The following DNMT1 variants were observed in gnomAD, a reference collection of about 807,000 sequenced individuals.
DNMT1 encodes DNA (cytosine-5)-methyltransferase 1.
DNMT1 carries 24 observed loss-of-function variants against 205.3 expected under a neutral mutation model. The observed-to-expected ratio is 0.12, with a 90% confidence interval of 0.08 to 0.16. DNMT1 has a LOEUF of 0.16. DNMT1 is among the 10% of genes least tolerant of loss of function. The probability of loss-of-function intolerance (pLI) is 1.00; values close to 1 mark genes in which losing one functional copy is unlikely to be tolerated. For synonymous variants in DNMT1, 817 were observed against 839.8 expected (o/e 0.97, Z 0.47); for missense variants, 1,293 against 2,177.7 (o/e 0.59, Z 8.09).
intron 1 of DNMT1, among the ~76,000 whole-genome samples, chr19:10,183,125 A>ACGTGTGTATATATATATAT (rs2039112643): frequency 8.5e-6 from 1 of 117,482 alleles, no homozygotes; most frequent in African/African-American, 3.4e-5. Flanking sequence ...ATATATATAT[A>ACGTGTGTATATATATATAT]TTTTTTTTTT....
intron 10 of DNMT1, among the ~76,000 whole-genome samples, chr19:10,168,067 G>C (rs750792759): frequency 6.6e-6 from 1 of 152,016 alleles, no homozygotes; most frequent in South Asian, 2.1e-4. Context: ...GGGTTGCAGT[G>C]AGCCAGGATT....
Position 10,159,224 on chromosome 19 carries a change from G to A in DNMT1, c.1280+434C>T, listed in dbSNP as rs1331610687. 6.6e-6 allele frequency among the ~76,000 whole-genome samples: 1 copy of A among 152,142 alleles called. No homozygotes were observed. Among genetic ancestry groups the A allele is most frequent in the South Asian group, 2.1e-4 (1 of 4,824 alleles). On this transcript the variant is annotated intron_variant, in intron 17 of 40. Coordinates refer to ENST00000359526, the MANE Select transcript of DNMT1 (RefSeq NM_001130823.3). The surrounding 1 kb of genome is among the most constrained non-coding windows in gnomAD (Gnocchi z 5.0). ...TATTGTCCCTTCATCAGCTTTCCAC[G>A]TGGCTCTTTGAGACGGAGTCTTGCT... is the stretch of plus-strand genomic sequence containing the variant.
At chr19:10,144,348 C>T (rs1292754527) in intron 28 of DNMT1, 3 of 341,606 alleles carry the variant, frequency 8.8e-6, no homozygotes, top group South Asian at 4.7e-5. Context: ...GCAGAGGTTG[C>T]AGTGAGCTGA....
At chr19:10,169,682 C>T (rs2038773155) in intron 9 of DNMT1, among the ~76,000 whole-genome samples, 1 of 152,120 alleles carries the variant, frequency 6.6e-6, no homozygotes. Context: ...AGGAGAATGG[C>T]GTGAACCTGG....
rs772090333 is a variant in DNMT1, at chr19:10,140,090, G to A, written c.3762C>T (p.Arg1254=). 21 of 1,613,398 alleles carry A rather than the reference G, an allele frequency of 1.3e-5. No individual in the cohort carries two copies. The highest frequency in any genetic ancestry group is 1.7e-5 in the Non-Finnish European group (20 of 1,180,046). ...GAGAGTTTTTGAACTTGGAGTAGGT[G>A]CGCGAATTGAAGCGGTTCATGCCGC... The part of the protein sequence containing the change: ...GFSGMNRFNS[R]TYSKFKNSLV... The change falls in exon 33 of 41, where the codon CGC becomes CGT. Residue 1254 remains arginine, a synonymous_variant. Transcript: ENST00000359526. The surrounding 1 kb of genome is among the most constrained non-coding windows in gnomAD (Gnocchi z 8.4).
Position 10,156,396 on chromosome 19 carries a change from A to C in DNMT1, c.1394T>G (p.Leu465Arg). 4 of 1,608,830 alleles carry C rather than the reference A, an allele frequency of 2.5e-6. No individual in the cohort carries two copies. Among genetic ancestry groups the C allele is most frequent in the Non-Finnish European group, 3.4e-6 (4 of 1,176,028 alleles). The change falls in exon 18 of 41, where the codon CTT becomes CGT. Residue 465 changes from leucine to arginine, a missense_variant. By Grantham distance (102) the Leu-to-Arg change is moderately radical. Coordinates refer to ENST00000359526, the MANE Select transcript of DNMT1 (RefSeq NM_001130823.3). The surrounding 1 kb of genome is among the most constrained non-coding windows in gnomAD (Gnocchi z 4.2). ...AATCCCGGACTATTCCTTACCTTCA[A>C]GAGATGGGTCATCATCATAGATTGG... Reference protein sequence around the residue: ...AKPIYDDDPSLEGGVNGKNLG... With the variant: ...AKPIYDDDPSREGGVNGKNLG...
Position 10,137,483 on chromosome 19 carries a change from A to T in DNMT1, c.4294-203T>A, listed in dbSNP as rs1008205469. The T allele has an allele frequency of 8.8e-6, 6 of 679,884 alleles. No individual in the cohort carries two copies. In the Admixed American group the frequency reaches 1.6e-4, roughly 18 times the overall value. The allele number at this position is 679,884 out of a possible 1,614,324, so 42.1% of individuals were successfully genotyped here. ...CAGCGCAGGTGTAGGAGAGCGTGGG[A>T]ATCTAAGCTGAGCCTTTAGGGTGGG... On this transcript the variant is annotated intron_variant, in intron 36 of 40. Coordinates refer to ENST00000359526, the MANE Select transcript of DNMT1 (RefSeq NM_001130823.3). This position sits in a 1 kb window ranked among gnomAD's most constrained non-coding sequence, Gnocchi z 6.4.
At chr19:10,180,137 G>A in intron 5 of DNMT1, 50 bp downstream of exon 5, 1 of 619,600 alleles carries the variant, frequency 1.6e-6, no homozygotes, top group African/African-American at 1.8e-5. Context: ...AACATGGTAA[G>A]ACCCCATCTC....
At chr19:10,150,166 G>T (rs757986288) in intron 24 of DNMT1, among the ~76,000 whole-genome samples, 198 bp from the exon 25 acceptor site, 1 of 152,124 alleles carries the variant, frequency 6.6e-6, no homozygotes. Flanking sequence ...ACCTTCCTTG[G>T]CCAGATGCTG....
chr19:10,139,528 C>A (rs553136977), intron 34 of DNMT1, 148 bp downstream of exon 34: 4 of 1,370,306 alleles, frequency 2.9e-6, no homozygotes. Flanking sequence ...CCCCTGACTC[C>A]GCCAGTGGGA....
At position 10,168,377 on chromosome 19, in the gene DNMT1, G is replaced by GA. The variant is rs1346169706; in HGVS notation, c.769-14dup. 3.7e-6 allele frequency: 6 copies of GA among 1,613,782 alleles called. No individual in the cohort carries two copies. In the African/African-American group the frequency reaches 6.7e-5, roughly 18 times the overall value. On this transcript the variant is annotated splice_polypyrimidine_tract_variant and intron_variant, in intron 9 of 40. Coordinates refer to ENST00000359526, the MANE Select transcript of DNMT1 (RefSeq NM_001130823.3). Reference sequence around the variant, plus strand: ...GTCTCTTTTCTTCCTAAGTTGCAGGGAAAAAAGACAAGTTAATTTTTTCCA... The same window carrying GA: ...GTCTCTTTTCTTCCTAAGTTGCAGGGAAAAAAAGACAAGTTAATTTTTTCCA...
At chr19:10,163,108 C>T in intron 12 of DNMT1, 2 of 597,786 alleles carry the variant, frequency 3.3e-6, no homozygotes, top group African/African-American at 1.9e-5. Context: ...ATTATAGGCA[C>T]CCGCCACCAC....
At position 10,138,760 on chromosome 19, in the gene DNMT1, C is replaced by T. The variant is rs1016757049; in HGVS notation, c.3949-155G>A. On this transcript the variant is annotated intron_variant, in intron 34 of 40. Transcript: ENST00000359526. The surrounding 1 kb of genome is among the most constrained non-coding windows in gnomAD (Gnocchi z 4.1). ...CCCCAGTTACCTCAGCAGGCGTGCT[C>T]CTGGTCAGAGGAGTTTGGAGCAGAT... 1.3e-5 allele frequency among the ~76,000 whole-genome samples: 2 copies of T among 152,206 alleles called. No individual in the cohort carries two copies. Among genetic ancestry groups the T allele is most frequent in the Admixed American group, 6.5e-5 (1 of 15,278 alleles).
In DNMT1 at chr19:10,142,135, C is replaced by T. The variant is rs1697232281; in HGVS notation, c.3202G>A (p.Asp1068Asn). 6.2e-7 allele frequency: 1 copy of T among 1,614,048 alleles called. No individual in the cohort carries two copies. Among genetic ancestry groups the T allele is most frequent in the Admixed American group, 1.7e-5 (1 of 60,026 alleles). Residue 1068 changes from aspartate (D) to asparagine (N), a missense_variant, in exon 30 of 41, where the codon GAC becomes AAC. By Grantham distance (23) the Asp-to-Asn change is conservative. Coordinates refer to ENST00000359526, the MANE Select transcript of DNMT1 (RefSeq NM_001130823.3). ...CAGCGGCCCTGCACAGCCTTGAAGTCCACCACGGCCTCCTCGTCGCTCCAG... is the reference window on the plus strand; with the variant it reads ...CAGCGGCCCTGCACAGCCTTGAAGTTCACCACGGCCTCCTCGTCGCTCCAG... ...LYWSDEEAVV[D>N]FKAVQGRCTV...
Position 10,175,627 on chromosome 19 carries a change from C to G in DNMT1, c.570-9G>C. ...GTTTCCGTTTGGCAGGGCTGTCACA[C>G]ACAGTGAGGCCAACCATTAGTGGAA... On this transcript the variant is annotated splice_polypyrimidine_tract_variant and intron_variant, in intron 6 of 40. Transcript: ENST00000359526. The G allele has an allele frequency of 6.2e-7, 1 of 1,614,018 alleles. No homozygotes were observed. Among genetic ancestry groups the G allele is most frequent in the African/African-American group, 1.3e-5 (1 of 75,048 alleles).
At chr19:10,180,920 T>C (rs1379269989) in intron 2 of DNMT1, 35 bp from the exon 3 acceptor site, 10 of 1,570,348 alleles carry the variant, frequency 6.4e-6, no homozygotes, top group African/African-American at 4.1e-5. Flanking sequence ...AGTACCCACA[T>C]TCCCAAGCTA....
chr19:10,145,914 T>G (rs2038188736), intron 28 of DNMT1, among the ~76,000 whole-genome samples: 1 of 152,140 alleles, frequency 6.6e-6, no homozygotes, highest in African/African-American at 2.4e-5. Flanking sequence ...CTGCAACCTC[T>G]GCCTCCCAGG....
chr19:10,149,815 A>G (rs1197516781), intron 25 of DNMT1, 38 bp downstream of exon 25: 1 of 1,610,656 alleles, frequency 6.2e-7, no homozygotes, highest in Non-Finnish European at 8.5e-7. Context: ...TTGATGAGAA[A>G]GTGCATGCAG....
chr19:10,171,498 C>G (rs954352222), intron 9 of DNMT1, among the ~76,000 whole-genome samples: 4 of 151,992 alleles, frequency 2.6e-5, no homozygotes, highest in African/African-American at 7.3e-5. Context: ...TGGTGAAACC[C>G]CGTCTCTACT....
Sources: gnomAD v4.1 joint callset for allele counts (sites outside exome capture counted in the v4.1 genomes callset) on GRCh38, gnomAD v4.1.1 for gene constraint, Gnocchi (gnomAD v3.1) non-coding constraint, MANE v1.5 for transcripts, NCBI Gene and HGNC (gene_info 2026-07-23, HGNC 2026-07-21) for gene names.